The following PCGF3 variants were observed in gnomAD, a reference collection of about 807,000 sequenced individuals.
PCGF3 encodes polycomb group ring finger 3.
PCGF3 carries 7 observed loss-of-function variants against 33.1 expected under a neutral mutation model. The observed-to-expected ratio is 0.21, with a 90% CI of 0.12 to 0.40. The LOEUF is 0.40. Ranked by LOEUF, PCGF3 falls within the 10% of genes least tolerant of loss-of-function variation. PCGF3 has a pLI of 1.00. For synonymous variants in PCGF3, 153 were observed against 121.3 expected (o/e 1.26, Z -1.72); for missense variants, 211 against 313.3 (o/e 0.67, Z 2.46).
At chr4:744,667 C>T (rs1407101156) in exon 8 of PCGF3, 1 of 1,557,658 alleles carries the variant, frequency 6.4e-7, no homozygotes, top group African/African-American at 1.4e-5. Flanking sequence ...AGGACAACGA[C>T]TACCACCGCA....
At chr4:726,227 A>T (rs548050649) in intron 1 of PCGF3, among the ~76,000 whole-genome samples, 1 of 152,256 alleles carries the variant, frequency 6.6e-6, no homozygotes, top group Non-Finnish European at 1.5e-5. Flanking sequence ...ACAGTTGAGC[A>T]TTTAAAACAT....
At chr4:743,414 C>A in intron 6 of PCGF3, 60 bp from the exon 7 acceptor site, 1 of 971,866 alleles carries the variant, frequency 1.0e-6, no homozygotes, top group Non-Finnish European at 1.7e-6. Flanking sequence ...TGTTTATGAA[C>A]AGAAGTTTAA....
chr4:727,316 C>G (rs1743375136), intron 1 of PCGF3, among the ~76,000 whole-genome samples: 3 of 139,838 alleles, frequency 2.1e-5, no homozygotes, highest in African/African-American at 7.8e-5. Context: ...TCTCGGCTCA[C>G]TGCAACCTCC....
intron 8 of PCGF3, chr4:757,856 A>C (rs1314280893): frequency 6.6e-6 from 1 of 152,200 alleles, no homozygotes; most frequent in Non-Finnish European, 1.5e-5. Context: ...CAAAATGTAT[A>C]AACTATTTAC....
At chr4:728,750 C>T (rs529188742) in intron 1 of PCGF3, among the ~76,000 whole-genome samples, 13 of 152,260 alleles carry the variant, frequency 8.5e-5, no homozygotes, top group African/African-American at 1.9e-4. Context: ...GCCAGCTGTA[C>T]CAGCCAACAC....
intron 3 of PCGF3, among the ~76,000 whole-genome samples, 164 bp from the exon 4 acceptor site, chr4:733,508 G>A (rs1042280424): frequency 6.6e-6 from 1 of 152,206 alleles, no homozygotes; most frequent in Admixed American, 6.5e-5. Flanking sequence ...ATTGCTGACC[G>A]TGCCCTGCAC....
chr4:735,205 C>T (rs1743775090), intron 5 of PCGF3, among the ~76,000 whole-genome samples, 178 bp downstream of exon 5: 1 of 152,236 alleles, frequency 6.6e-6, no homozygotes, highest in Admixed American at 6.5e-5. Flanking sequence ...GCTCACCAGG[C>T]CATCCTGCCA....
intron 1 of PCGF3, among the ~76,000 whole-genome samples, chr4:719,641 TGA>T (rs1244639431): frequency 1.3e-5 from 2 of 152,226 alleles, no homozygotes; most frequent in Middle Eastern, 3.4e-3. Flanking sequence ...GGATGGTGTG[TGA>T]GTTTGGCAGG....
At chr4:740,241 C>T (rs1305090796) in intron 6 of PCGF3, among the ~76,000 whole-genome samples, 1 of 152,254 alleles carries the variant, frequency 6.6e-6, no homozygotes, top group Non-Finnish European at 1.5e-5. Flanking sequence ...CCTGCCCCTC[C>T]CACCTGGACT....
exon 7 of PCGF3, chr4:743,509 T>C: frequency 6.2e-7 from 1 of 1,613,564 alleles, no homozygotes. Flanking sequence ...CTATCACAAA[T>C]TGGGCATGGA....
At chr4:737,811 C>T (rs573901673) in intron 6 of PCGF3, among the ~76,000 whole-genome samples, 5 of 152,356 alleles carry the variant, frequency 3.3e-5, no homozygotes, top group African/African-American at 1.2e-4. Flanking sequence ...CTCCCAGGAC[C>T]CTGCCTTCTT....
intron 8 of PCGF3, among the ~76,000 whole-genome samples, chr4:748,589 C>T (rs1468839719): frequency 1.3e-5 from 2 of 152,182 alleles, no homozygotes; most frequent in East Asian, 1.9e-4. Context: ...GATGTGATGG[C>T]GTTGCCTTGT....
intron 1 of PCGF3, among the ~76,000 whole-genome samples, chr4:712,953 T>G (rs900157054): frequency 3.9e-5 from 6 of 152,148 alleles, no homozygotes; most frequent in Admixed American, 3.3e-4. Flanking sequence ...GTTGGCCTTG[T>G]GGGTCTTATG....
At chr4:765,566 G>C (rs554639192) in intron 10 of PCGF3, among the ~76,000 whole-genome samples, 1 of 152,260 alleles carries the variant, frequency 6.6e-6, no homozygotes, top group Admixed American at 6.5e-5. Context: ...GCCCTGGTGG[G>C]AAAGTGCTGA....
chr4:750,033 G>A (rs1301680142), intron 8 of PCGF3, among the ~76,000 whole-genome samples: 2 of 152,176 alleles, frequency 1.3e-5, no homozygotes, highest in Non-Finnish European at 2.9e-5. Context: ...CTGAACTCCT[G>A]GGCTGAAGCA....
At chr4:763,755 G>A (rs949726923) in intron 9 of PCGF3, among the ~76,000 whole-genome samples, 5 of 152,176 alleles carry the variant, frequency 3.3e-5, no homozygotes, top group South Asian at 4.1e-4. Context: ...ACCTGCACCC[G>A]GATGTTGATA....
chr4:717,953 T>G (rs1490826024), intron 1 of PCGF3, among the ~76,000 whole-genome samples: 2 of 152,114 alleles, frequency 1.3e-5, no homozygotes, highest in African/African-American at 4.8e-5. Context: ...GGGAATCCCG[T>G]GGGTGCTGCG....
Position 707,592 on chromosome 4 carries a change from T to C in PCGF3, c.-190+1622T>C, listed in dbSNP as rs374996914. 3.0e-3 allele frequency among the ~76,000 whole-genome samples: 176 copies of C among 59,168 alleles called. 9 individuals are homozygous for C. The highest frequency in any genetic ancestry group is 9.8e-3 in the South Asian group (11 of 1,122). 38.8% of individuals were successfully genotyped at this position (59,168 alleles called of 152,430 possible). On this transcript the variant is annotated intron_variant, in intron 1 of 10. Transcript: ENST00000362003. Reference sequence around the variant, plus strand: ...GGACAGCTCTGTTTTCCCCTGGGGGTCGGGACTCTGGGACAGCTCTGTTTT... The same window carrying C: ...GGACAGCTCTGTTTTCCCCTGGGGGCCGGGACTCTGGGACAGCTCTGTTTT...
chr4:731,189 C>T (rs1428107975), intron 3 of PCGF3, 79 bp downstream of exon 3: 16 of 398,338 alleles, frequency 4.0e-5, no homozygotes, highest in African/African-American at 2.1e-5. Context: ...CGAGGGCCGG[C>T]GATCATTAGG....
Sources: allele counts gnomAD v4.1 joint callset (sites outside exome capture counted in the v4.1 genomes callset), GRCh38; gene constraint gnomAD v4.1.1; transcripts MANE v1.5; gene names NCBI Gene and HGNC (gene_info 2026-07-23, HGNC 2026-07-21).